NCAM2: variants seen among roughly 807,000 people sequenced by gnomAD.
NCAM2 encodes the protein N-CAM-2.
Under a neutral mutation model 98.1 loss-of-function variants are expected in NCAM2, and 30 were observed. The observed-to-expected ratio is 0.31, with a 90% CI of 0.23 to 0.41. The LOEUF is 0.41. Ranked by LOEUF, NCAM2 falls within the 10% of genes least tolerant of loss-of-function variation. The probability of loss-of-function intolerance (pLI) is 1.00; values close to 1 mark genes in which losing one functional copy is unlikely to be tolerated. For synonymous variants in NCAM2, 368 were observed against 342.4 expected (o/e 1.07, Z -0.83); for missense variants, 867 against 1,005.8 (o/e 0.86, Z 1.87).
intron 1 of NCAM2, among the ~76,000 whole-genome samples, chr21:21,109,581 T>G (rs1446389800): frequency 6.6e-6 from 1 of 152,208 alleles, no homozygotes; most frequent in South Asian, 2.1e-4. Flanking sequence ...TTCATTAAAG[T>G]TCAGTGGAAA....
At chr21:21,318,907 A>G (rs953138589) in intron 5 of NCAM2, among the ~76,000 whole-genome samples, 1 of 152,232 alleles carries the variant, frequency 6.6e-6, no homozygotes, top group African/African-American at 2.4e-5. Flanking sequence ...TAAAAGAAAC[A>G]GAATACAGAA....
At chr21:21,271,987 T>G (rs928022047) in intron 1 of NCAM2, among the ~76,000 whole-genome samples, 2 of 152,150 alleles carry the variant, frequency 1.3e-5, no homozygotes, top group African/African-American at 2.4e-5. Flanking sequence ...GGTGCATGTA[T>G]ACATATGTAA....
intron 16 of NCAM2, among the ~76,000 whole-genome samples, chr21:21,515,657 T>A (rs555304912): frequency 1.3e-5 from 2 of 152,156 alleles, no homozygotes; most frequent in African/African-American, 4.8e-5. Context: ...CAGTGGAAAA[T>A]TTAATTTACT....
chr21:21,530,119 T>C (rs1989551962), intron 16 of NCAM2, among the ~76,000 whole-genome samples: 2 of 144,658 alleles, frequency 1.4e-5, no homozygotes, highest in Non-Finnish European at 3.0e-5. Flanking sequence ...TTTAATTTAA[T>C]TTAATTATAT....
chr21:21,110,958 G>T (rs1175390050), intron 1 of NCAM2, among the ~76,000 whole-genome samples: 1 of 151,996 alleles, frequency 6.6e-6, no homozygotes, highest in Non-Finnish European at 1.5e-5. Flanking sequence ...TGAATAAGGG[G>T]ATACATTAAA....
chr21:21,057,197 A>C (rs2065228998), intron 1 of NCAM2, among the ~76,000 whole-genome samples: 1 of 152,100 alleles, frequency 6.6e-6, no homozygotes, highest in Non-Finnish European at 1.5e-5. Flanking sequence ...CTTCATCTTT[A>C]AACATTGATG....
chr21:21,012,775 T>C (rs1285741585), intron 1 of NCAM2, among the ~76,000 whole-genome samples: 1 of 152,186 alleles, frequency 6.6e-6, no homozygotes, highest in Non-Finnish European at 1.5e-5. Context: ...ATTTTTCTGA[T>C]AGCATATGCT....
chr21:21,125,494 G>GTAATATATAATATATCACATATA (rs1338581385), intron 1 of NCAM2, among the ~76,000 whole-genome samples: 1 of 74,150 alleles, frequency 1.3e-5, no homozygotes, highest in Non-Finnish European at 2.7e-5. Flanking sequence ...AGATATATAT[G>GTAATATATAATATATCACATATA]TAATATGTAA....
intron 16 of NCAM2, among the ~76,000 whole-genome samples, chr21:21,512,202 T>G (rs1988430362): frequency 6.6e-6 from 1 of 152,050 alleles, no homozygotes; most frequent in African/African-American, 2.4e-5. Context: ...CCCCCATGTT[T>G]ACTCTAGTAC....
chr21:21,034,058 G>C (rs968607819), intron 1 of NCAM2, among the ~76,000 whole-genome samples: 1 of 150,618 alleles, frequency 6.6e-6, no homozygotes, highest in South Asian at 2.2e-4. Context: ...GCAAAGGGGG[G>C]GGGGAAACAA....
At chr21:21,527,748 T>C (rs1260295177) in intron 16 of NCAM2, among the ~76,000 whole-genome samples, 1 of 152,122 alleles carries the variant, frequency 6.6e-6, no homozygotes, top group Admixed American at 6.5e-5. Flanking sequence ...TCATTGCTGA[T>C]GGAAATGCAG....
At chr21:21,449,882 T>G (rs1282385760) in intron 12 of NCAM2, among the ~76,000 whole-genome samples, 1 of 152,098 alleles carries the variant, frequency 6.6e-6, no homozygotes, top group Non-Finnish European at 1.5e-5. Flanking sequence ...TTGCTTTTAC[T>G]TTATGTATAG....
At chr21:21,461,518 T>C (rs1231431259) in intron 12 of NCAM2, among the ~76,000 whole-genome samples, 2 of 151,922 alleles carry the variant, frequency 1.3e-5, no homozygotes, top group African/African-American at 4.8e-5. Context: ...GCCATCAACA[T>C]ATTGTTTTGA....
chr21:21,001,891 A>C (rs2064024811), intron 1 of NCAM2, among the ~76,000 whole-genome samples: 1 of 152,174 alleles, frequency 6.6e-6, no homozygotes. Context: ...GTCATTGTAC[A>C]TTACAGCAAT....
intron 1 of NCAM2, among the ~76,000 whole-genome samples, chr21:21,176,927 T>A (rs1385345950): frequency 6.6e-6 from 1 of 151,896 alleles, no homozygotes; most frequent in Admixed American, 6.6e-5. Flanking sequence ...TGAAATCTCC[T>A]AACAGACATA....
At chr21:21,373,827 A>C (rs1048808703) in intron 8 of NCAM2, 36 bp from the exon 9 acceptor site, 2 of 1,543,540 alleles carry the variant, frequency 1.3e-6, no homozygotes, top group Non-Finnish European at 1.7e-6. Context: ...ACACACAAGC[A>C]TAAAATCTTT....
intron 12 of NCAM2, among the ~76,000 whole-genome samples, chr21:21,446,332 T>G (rs145487481): frequency 1.2e-4 from 18 of 152,168 alleles, no homozygotes; most frequent in African/African-American, 4.3e-4. Context: ...TTGCGGAGTA[T>G]CTTAGTAGTG....
At chr21:21,186,695 T>G (rs1180242948) in intron 1 of NCAM2, among the ~76,000 whole-genome samples, 2 of 152,172 alleles carry the variant, frequency 1.3e-5, no homozygotes, top group African/African-American at 4.8e-5. Context: ...ATCCTATGCT[T>G]GTAATTTTCT....
intron 12 of NCAM2, among the ~76,000 whole-genome samples, chr21:21,466,363 G>A (rs374153633): frequency 2.0e-5 from 3 of 151,816 alleles, no homozygotes; most frequent in African/African-American, 7.3e-5. Context: ...CAAATGAAAC[G>A]GGTAATTTTC....
Sources: allele counts gnomAD v4.1 joint callset (sites outside exome capture counted in the v4.1 genomes callset), GRCh38; gene constraint gnomAD v4.1.1; transcripts MANE v1.5; gene names NCBI Gene and HGNC (gene_info 2026-07-23, HGNC 2026-07-21).